Variants in VOPP1 observed in about 807,000 individuals in gnomAD.
VOPP1 encodes the protein VOPP1 WW domain binding protein.
A neutral mutation model predicts 23.5 loss-of-function variants in VOPP1; 8 were observed. The ratio of observed to expected loss-of-function variants is 0.34; its 90% CI spans 0.20 to 0.61. VOPP1 has a LOEUF of 0.61. Ranked by LOEUF, VOPP1 falls within the 20% of genes least tolerant of loss-of-function variation. The pLI is 0.78. For missense variants in VOPP1, 174 were observed against 238.1 expected (o/e 0.73, Z 1.77); for synonymous variants, 83 against 97.3 (o/e 0.85, Z 0.86).
At position 55,547,088 on chromosome 7, in the gene VOPP1, GC is replaced by G. The variant is rs1296259276; in HGVS notation, c.54+25182del. ...AATCCCTCTGACCTGGATTTTAGCAGCCCCAGGTCAGCTGTTAAGACTTGGG... is the reference window on the plus strand; with the variant it reads ...AATCCCTCTGACCTGGATTTTAGCAGCCCAGGTCAGCTGTTAAGACTTGGG... On this transcript the variant is annotated intron_variant, in intron 1 of 4. Transcript: ENST00000285279. Among the ~76,000 whole-genome samples the G allele has an allele frequency of 2.6e-5, 4 of 152,258 alleles. No homozygotes were observed. The East Asian group carries it at 5.8e-4, about 22-fold the overall frequency.
chr7:55,517,459 T>C (rs1192229072), intron 2 of VOPP1, among the ~76,000 whole-genome samples: 1 of 152,104 alleles, frequency 6.6e-6, no homozygotes, highest in Non-Finnish European at 1.5e-5. Flanking sequence ...GACAGCACCC[T>C]GCACACTGGC....
intron 2 of VOPP1, among the ~76,000 whole-genome samples, chr7:55,516,932 A>ATATATATT (rs1562947689): frequency 2.0e-4 from 9 of 45,156 alleles, no homozygotes; most frequent in African/African-American, 1.1e-3. Flanking sequence ...ATATATATAT[A>ATATATATT]TTTTTTTTTT....
intron 1 of VOPP1, among the ~76,000 whole-genome samples, chr7:55,567,754 T>C (rs968604507): frequency 2.0e-5 from 3 of 152,100 alleles, no homozygotes; most frequent in East Asian, 1.9e-4. Flanking sequence ...TCCCGTGGAG[T>C]TTCCAGAGAC....
intron 1 of VOPP1, among the ~76,000 whole-genome samples, chr7:55,525,715 G>T (rs760270875): frequency 7.4e-6 from 1 of 135,790 alleles, no homozygotes; most frequent in Non-Finnish European, 1.5e-5. Context: ...GAGAACAAAG[G>T]TTCTAAATAT....
intron 4 of VOPP1, among the ~76,000 whole-genome samples, chr7:55,474,452 G>A (rs929174571): frequency 6.6e-6 from 1 of 152,240 alleles, no homozygotes; most frequent in Non-Finnish European, 1.5e-5. Flanking sequence ...AAAAAATGGA[G>A]AAGAGAGAAT....
chr7:55,534,826 C>T (rs2129048150), intron 1 of VOPP1, among the ~76,000 whole-genome samples: 1 of 152,354 alleles, frequency 6.6e-6, no homozygotes, highest in Non-Finnish European at 1.5e-5. Context: ...GAAAGTACCA[C>T]CGCCCACTAG....
chr7:55,506,599 A>T (rs1386701467), intron 2 of VOPP1, among the ~76,000 whole-genome samples: 1 of 151,622 alleles, frequency 6.6e-6, no homozygotes, highest in Non-Finnish European at 1.5e-5. Context: ...GGCCTCCTAA[A>T]GTGCTGGGAT....
At chr7:55,537,968 C>A (rs183453990) in intron 1 of VOPP1, among the ~76,000 whole-genome samples, 155 of 152,340 alleles carry the variant, frequency 1.0e-3, no homozygotes, top group African/African-American at 3.4e-3. Context: ...CCATTCCTCT[C>A]CACCAGCCAG....
rs763022068 is a variant in VOPP1, at chr7:55,472,917, G to A, written c.457C>T (p.Pro153Ser). 3.9e-6 allele frequency: 6 copies of A among 1,537,472 alleles called. No homozygotes were observed. The highest frequency in any genetic ancestry group is 5.2e-6 in the Non-Finnish European group (6 of 1,148,204). The change falls in exon 5 of 5, where the codon CCC becomes TCC. Residue 153 changes from proline (P) to serine (S), a missense_variant. By Grantham distance (74) the Pro-to-Ser change is moderately conservative. Coordinates refer to ENST00000285279, the MANE Select transcript of VOPP1 (RefSeq NM_030796.5). ...GGCGTGTTGCAGTAGGCTGGAGGGG[G>A]CGGGCAGGCCACACTCCCCTGGGGT... ...NSPQGSVACP[P>S]PPAYCNTPPP...
intron 4 of VOPP1, among the ~76,000 whole-genome samples, chr7:55,438,242 A>T (rs1790880271): frequency 1.3e-5 from 2 of 151,844 alleles, no homozygotes; most frequent in South Asian, 4.1e-4. Flanking sequence ...CGAGGATGTT[A>T]ATTTATCCAA....
intron 4 of VOPP1, among the ~76,000 whole-genome samples, chr7:55,453,813 T>C (rs815942): frequency 0.9 from 136,321 of 152,256 alleles, 61,196 homozygotes; most frequent in African/African-American, 0.93. Context: ...TGTCACAAAC[T>C]TTCAATTTGT....
chr7:55,440,449 T>TA (rs1169242484), intron 4 of VOPP1, among the ~76,000 whole-genome samples: 8 of 152,336 alleles, frequency 5.3e-5, no homozygotes, highest in African/African-American at 1.4e-4. Context: ...GGCTGACTGA[T>TA]ATCTGGCCTG....
intron 2 of VOPP1, among the ~76,000 whole-genome samples, chr7:55,499,602 G>A (rs1794222879): frequency 1.3e-5 from 2 of 152,222 alleles, no homozygotes; most frequent in African/African-American, 2.4e-5. Context: ...CTTCTGTGGT[G>A]AAAAATGGAG....
intron 4 of VOPP1, among the ~76,000 whole-genome samples, chr7:55,474,351 T>C (rs1279441752): frequency 1.3e-5 from 2 of 152,074 alleles, no homozygotes; most frequent in Non-Finnish European, 2.9e-5. Context: ...GATCCTGCTA[T>C]ATGTTATACA....
At chr7:55,564,304 CTCCCCAT>C (rs752410611) in intron 1 of VOPP1, among the ~76,000 whole-genome samples, 60 of 143,536 alleles carry the variant, frequency 4.2e-4, no homozygotes, top group Non-Finnish European at 6.8e-4. Flanking sequence ...CTTCTCCCCA[CTCCCCAT>C]AAGGGTTTAG....
At chr7:55,493,936 G>C (rs756318866) in intron 3 of VOPP1, among the ~76,000 whole-genome samples, 1 of 152,128 alleles carries the variant, frequency 6.6e-6, no homozygotes, top group Non-Finnish European at 1.5e-5. Flanking sequence ...AGCAAGACTG[G>C]GAACACTGCA....
intron 1 of VOPP1, among the ~76,000 whole-genome samples, chr7:55,541,015 C>G (rs765304502): frequency 2.6e-5 from 4 of 152,044 alleles, no homozygotes; most frequent in Non-Finnish European, 5.9e-5. Context: ...AACGACAACC[C>G]GCAGAAACGG....
At chr7:55,495,411 C>T (rs2129022245) in intron 3 of VOPP1, among the ~76,000 whole-genome samples, 1 of 152,332 alleles carries the variant, frequency 6.6e-6, no homozygotes. Flanking sequence ...GCCCCTCCCT[C>T]CCATCCTGCC....
At chr7:55,517,609 C>T (rs1049123685) in intron 2 of VOPP1, among the ~76,000 whole-genome samples, 1 of 152,146 alleles carries the variant, frequency 6.6e-6, no homozygotes, top group African/African-American at 2.4e-5. Context: ...GCCTTCTCCA[C>T]CAAGGCAGCA....
Sources: gnomAD v4.1 joint callset for allele counts (sites outside exome capture counted in the v4.1 genomes callset) on GRCh38, gnomAD v4.1.1 for gene constraint, MANE v1.5 for transcripts, NCBI Gene and HGNC (gene_info 2026-07-23, HGNC 2026-07-21) for gene names.